The following IL1RAPL1 variants were observed in gnomAD, a reference collection of about 807,000 sequenced individuals.
IL1RAPL1 encodes interleukin-1 receptor accessory protein-like 1.
A neutral mutation model predicts 48.4 loss-of-function variants in IL1RAPL1; 3 were observed. The ratio of observed to expected loss-of-function variants is 0.06; its 90% CI spans 0.03 to 0.16. The LOEUF is 0.16. IL1RAPL1 is among the 10% of genes least tolerant of loss of function. The pLI, the probability that IL1RAPL1 is intolerant of heterozygous loss-of-function variation, is 1.00. For synonymous variants in IL1RAPL1, 185 were observed against 187.7 expected (o/e 0.99, Z 0.12); for missense variants, 349 against 530.6 (o/e 0.66, Z 3.36).
At chrX:29,455,603 C>T (rs1479210086) in intron 5 of IL1RAPL1, among the ~76,000 whole-genome samples, 1 of 110,872 alleles carries the variant, frequency 9.0e-6, no homozygotes, top group African/African-American at 3.3e-5. Flanking sequence ...TTTCCCCTAC[C>T]CAAGAAAACT....
At chrX:28,954,094 A>G in intron 2 of IL1RAPL1, among the ~76,000 whole-genome samples, 1 of 111,879 alleles carries the variant, frequency 8.9e-6, no homozygotes, top group East Asian at 2.8e-4. Context: ...TCAGTTATTG[A>G]TAGCAGTCAA....
At chrX:29,084,993 G>T (rs771152856) in intron 2 of IL1RAPL1, among the ~76,000 whole-genome samples, 1 of 111,750 alleles carries the variant, frequency 8.9e-6, no homozygotes, top group Non-Finnish European at 1.9e-5. Context: ...GCGCCCAGCC[G>T]CATTTATTCT....
At chrX:28,744,683 G>C (rs1229103800) in intron 1 of IL1RAPL1, among the ~76,000 whole-genome samples, 1 of 111,746 alleles carries the variant, frequency 8.9e-6, no homozygotes, top group African/African-American at 3.2e-5. Flanking sequence ...CAGCAGAACA[G>C]GTGGTTAATT....
chrX:29,321,322 G>C (rs770550540), intron 3 of IL1RAPL1, among the ~76,000 whole-genome samples: 1 of 111,926 alleles, frequency 8.9e-6, no homozygotes, highest in Non-Finnish European at 1.9e-5. Flanking sequence ...GAGAGAAGCA[G>C]ATTGGTTACT....
intron 5 of IL1RAPL1, among the ~76,000 whole-genome samples, chrX:29,535,454 T>G (rs1326078757): frequency 8.9e-6 from 1 of 111,931 alleles, no homozygotes. Context: ...CAACTAGCAC[T>G]AAAGGCTCTT....
intron 5 of IL1RAPL1, among the ~76,000 whole-genome samples, chrX:29,659,259 A>G (rs1166013319): frequency 8.9e-6 from 1 of 111,979 alleles, no homozygotes; most frequent in African/African-American, 3.2e-5. Context: ...CTACCTTCAT[A>G]AGATTGACTT....
intron 2 of IL1RAPL1, among the ~76,000 whole-genome samples, chrX:29,144,038 T>A (rs1396763300): frequency 2.7e-5 from 3 of 111,469 alleles, no homozygotes; most frequent in Non-Finnish European, 5.6e-5. Context: ...TAACCTTCAT[T>A]GTGTAGTCAG....
At chrX:28,954,609 C>T (rs1328156811) in intron 2 of IL1RAPL1, among the ~76,000 whole-genome samples, 1 of 110,481 alleles carries the variant, frequency 9.1e-6, no homozygotes, top group Non-Finnish European at 1.9e-5. Context: ...AAATTTTTTT[C>T]TATCTTTCAG....
intron 1 of IL1RAPL1, among the ~76,000 whole-genome samples, chrX:28,783,917 A>G (rs1214036347): frequency 9.0e-6 from 1 of 111,574 alleles, no homozygotes; most frequent in Non-Finnish European, 1.9e-5. Flanking sequence ...GTTGATTTCC[A>G]TGTCTCTCTT....
At chrX:28,816,159 C>T (rs192913412) in intron 2 of IL1RAPL1, among the ~76,000 whole-genome samples, 9 of 108,287 alleles carry the variant, frequency 8.3e-5, no homozygotes, top group African/African-American at 3.0e-4. Context: ...TTCGTATCCT[C>T]GCCAGCATCT....
intron 2 of IL1RAPL1, among the ~76,000 whole-genome samples, chrX:29,053,078 C>T (rs753859001): frequency 2.7e-5 from 3 of 111,087 alleles, no homozygotes; most frequent in Non-Finnish European, 5.7e-5. Flanking sequence ...CCTTTATGTG[C>T]TCATGGGTTC....
intron 5 of IL1RAPL1, among the ~76,000 whole-genome samples, chrX:29,582,351 T>A (rs1025691978): frequency 1.4e-5 from 1 of 69,733 alleles, no homozygotes; most frequent in Non-Finnish European, 2.6e-5. Flanking sequence ...GATAGCATCT[T>A]TTTTTTTTTA....
Position 29,283,006 on chromosome X carries a change from A to G in IL1RAPL1, c.151A>G (p.Ile51Val). Residue 51 changes from isoleucine to valine, a missense_variant, in exon 3 of 11, where the codon ATC becomes GTC. Around this residue, in one of 3 missense-constraint regions of IL1RAPL1, gnomAD observed 238 missense variants for 337.8 expected, o/e 0.70. Coordinates refer to ENST00000378993, the MANE Select transcript of IL1RAPL1 (RefSeq NM_014271.4). Reference sequence around the variant, plus strand: ...AGTTTTGGTGGGAGAGCCTGTTCGAATCAAATGTGCACTCTTTTATGGTTA... The same window carrying G: ...AGTTTTGGTGGGAGAGCCTGTTCGAGTCAAATGTGCACTCTTTTATGGTTA... ...YQVLVGEPVR[I>V]KCALFYGYIR... 8.3e-7 allele frequency: 1 copy of G among 1,210,653 alleles called. No homozygotes were observed. The highest frequency in any genetic ancestry group is 1.1e-6 in the Non-Finnish European group (1 of 894,482).
At chrX:28,916,108 T>C (rs367600468) in intron 2 of IL1RAPL1, among the ~76,000 whole-genome samples, 42 of 111,008 alleles carry the variant, frequency 3.8e-4, no homozygotes, top group African/African-American at 1.2e-3. Context: ...CTTTATTTCT[T>C]CCCTACTAAC....
chrX:29,906,498 T>TATATTTC (rs1555934099), intron 6 of IL1RAPL1, among the ~76,000 whole-genome samples: 10 of 50,780 alleles, frequency 2.0e-4, no homozygotes, highest in South Asian at 2.5e-3. Flanking sequence ...TATATATATA[T>TATATTTC]ATATATATAT....
intron 2 of IL1RAPL1, among the ~76,000 whole-genome samples, chrX:28,894,892 C>A (rs1922870428): frequency 9.1e-6 from 1 of 110,481 alleles, no homozygotes; most frequent in Admixed American, 9.6e-5. Flanking sequence ...GCAGGGAGAG[C>A]ACATGTGTTT....
intron 5 of IL1RAPL1, among the ~76,000 whole-genome samples, chrX:29,492,184 T>C (rs1254584918): frequency 2.7e-5 from 3 of 112,575 alleles, no homozygotes; most frequent in Non-Finnish European, 5.6e-5. Context: ...TGAAATCTTA[T>C]TCACAACCGT....
intron 2 of IL1RAPL1, among the ~76,000 whole-genome samples, chrX:29,001,806 G>A (rs756280282): frequency 1.2e-4 from 13 of 110,323 alleles, no homozygotes; most frequent in Non-Finnish European, 1.9e-4. Flanking sequence ...ATTTAGAAAC[G>A]TTATTCTTCA....
At chrX:29,031,710 G>C (rs1003305337) in intron 2 of IL1RAPL1, among the ~76,000 whole-genome samples, 1 of 111,353 alleles carries the variant, frequency 9.0e-6, no homozygotes, top group Non-Finnish European at 1.9e-5. Context: ...CTTGGTCATT[G>C]TTGCAAGATG....
Sources: gnomAD v4.1 joint callset for allele counts (sites outside exome capture counted in the v4.1 genomes callset) on GRCh38, gnomAD v4.1.1 for gene constraint, gnomAD v4.1.1 regional missense constraint, MANE v1.5 for transcripts, NCBI Gene and HGNC (gene_info 2026-07-23, HGNC 2026-07-21) for gene names.